TIAM1: variants seen among roughly 807,000 people sequenced by gnomAD.
TIAM1 encodes the protein rho guanine nucleotide exchange factor TIAM1.
A neutral mutation model predicts 163.5 loss-of-function variants in TIAM1; 65 were observed. The observed-to-expected ratio is 0.40, with a 90% CI of 0.33 to 0.49. The LOEUF (loss-of-function observed/expected upper bound fraction) is 0.49. Among genes scored for constraint, TIAM1 ranks in the 20% least tolerant of loss-of-function variants. The probability of loss-of-function intolerance (pLI) is 0.77; values close to 1 mark genes in which losing one functional copy is unlikely to be tolerated. For synonymous variants in TIAM1, 833 were observed against 810.1 expected (o/e 1.03, Z -0.48); for missense variants, 1,789 against 2,044.7 (o/e 0.87, Z 2.41).
intron 4 of TIAM1, among the ~76,000 whole-genome samples, chr21:31,264,581 C>A (rs1212781722): frequency 6.6e-6 from 1 of 152,172 alleles, no homozygotes; most frequent in Non-Finnish European, 1.5e-5. Flanking sequence ...AGACGTGGAG[C>A]CAAAATATCC....
chr21:31,346,551 G>A (rs544037391), upstream of TIAM1, among the ~76,000 whole-genome samples: 1 of 152,328 alleles, frequency 6.6e-6, no homozygotes, highest in Admixed American at 6.5e-5. Context: ...ACTGTCTTGA[G>A]AATCAGAGAT....
chr21:31,527,200 C>A (rs1374552304), intron 1 of TIAM1, among the ~76,000 whole-genome samples: 2 of 152,140 alleles, frequency 1.3e-5, no homozygotes, highest in Non-Finnish European at 2.9e-5. Context: ...ATGCCTCCTG[C>A]CTCTGTTAAC....
intron 2 of TIAM1, among the ~76,000 whole-genome samples, chr21:31,421,345 A>G (rs1172193006): frequency 6.6e-6 from 1 of 152,176 alleles, no homozygotes; most frequent in Non-Finnish European, 1.5e-5. Context: ...GAATTCCTCC[A>G]TAGAGCAGGG....
At chr21:31,488,600 G>A (rs187389792) in intron 1 of TIAM1, among the ~76,000 whole-genome samples, 13 of 152,180 alleles carry the variant, frequency 8.5e-5, no homozygotes, top group Non-Finnish European at 1.5e-4. Context: ...AGGTGAAGGA[G>A]GAGCAAACTC....
At chr21:31,385,513 G>A (rs923360389) in intron 2 of TIAM1, among the ~76,000 whole-genome samples, 13 of 151,934 alleles carry the variant, frequency 8.6e-5, no homozygotes, top group African/African-American at 2.9e-4. Context: ...CTGTAGGGAC[G>A]GTTGGGTCAA....
intron 2 of TIAM1, among the ~76,000 whole-genome samples, chr21:31,396,016 C>A (rs983819620): frequency 1.9e-4 from 29 of 152,306 alleles, no homozygotes; most frequent in Middle Eastern, 3.4e-3. Flanking sequence ...TATAGGCTAA[C>A]AGAGGTCCCC....
intron 2 of TIAM1, among the ~76,000 whole-genome samples, chr21:31,423,682 T>A (rs1440509729): frequency 2.9e-5 from 4 of 137,526 alleles, no homozygotes; most frequent in African/African-American, 1.1e-4. Context: ...TGAGATCATT[T>A]GGCATCCTAG....
chr21:31,376,612 T>G (rs1370372451), intron 2 of TIAM1, among the ~76,000 whole-genome samples: 2 of 152,118 alleles, frequency 1.3e-5, no homozygotes, highest in Non-Finnish European at 2.9e-5. Flanking sequence ...AGATGCCCAC[T>G]GAAAGGACTT....
chr21:31,529,658 C>T (rs1427010175), intron 1 of TIAM1, among the ~76,000 whole-genome samples: 13 of 152,218 alleles, frequency 8.5e-5, no homozygotes. Context: ...ACCCATCCAG[C>T]ATTGCTCCTT....
chr21:31,362,844 T>C (rs1220095211), intron 2 of TIAM1, among the ~76,000 whole-genome samples: 1 of 152,122 alleles, frequency 6.6e-6, no homozygotes, highest in Non-Finnish European at 1.5e-5. Flanking sequence ...ACTTACACTG[T>C]AAGGGGGTTT....
chr21:31,245,400 A>AG, intron 6 of TIAM1, 88 bp downstream of exon 6: 2 of 545,498 alleles, frequency 3.7e-6, no homozygotes, highest in Non-Finnish European at 5.6e-6. Context: ...AAAAAAAAGC[A>AG]GTGGAGGGAG....
chr21:31,392,713 A>C (rs34330761), intron 2 of TIAM1, among the ~76,000 whole-genome samples: 14,797 of 151,930 alleles, frequency 0.097, 769 homozygotes, highest in Middle Eastern at 0.14. Context: ...TGGTCAAGGC[A>C]AGGGCAGATC....
intron 1 of TIAM1, among the ~76,000 whole-genome samples, chr21:31,468,085 T>TA (rs11443773): frequency 0.23 from 31,554 of 139,548 alleles, 3,695 homozygotes; most frequent in African/African-American, 0.3. Flanking sequence ...GCGAAACTCT[T>TA]AAAAAAAAAA....
At chr21:31,379,460 T>G (rs964515586) in intron 2 of TIAM1, among the ~76,000 whole-genome samples, 2 of 151,832 alleles carry the variant, frequency 1.3e-5, no homozygotes, top group Non-Finnish European at 2.9e-5. Context: ...TCACCCAAGG[T>G]TGGACTCTAG....
intron 16 of TIAM1, among the ~76,000 whole-genome samples, chr21:31,162,223 T>C (rs958349504): frequency 1.6e-4 from 25 of 152,136 alleles, no homozygotes; most frequent in African/African-American, 5.8e-4. Flanking sequence ...ATCTATAAAA[T>C]AGGGCAGATA....
At chr21:31,133,757 A>T (rs2082507870) in intron 23 of TIAM1, among the ~76,000 whole-genome samples, 1 of 152,120 alleles carries the variant, frequency 6.6e-6, no homozygotes, top group Admixed American at 6.5e-5. Context: ...CAAAGCCTAA[A>T]ATGTACTATG....
At chr21:31,277,535 C>T (rs1452455243) in intron 2 of TIAM1, among the ~76,000 whole-genome samples, 2 of 152,174 alleles carry the variant, frequency 1.3e-5, no homozygotes, top group African/African-American at 4.8e-5. Context: ...ATCCCAGATA[C>T]TCAGGAGGCT....
intron 1 of TIAM1, among the ~76,000 whole-genome samples, chr21:31,489,173 C>T (rs1370566207): frequency 1.3e-5 from 2 of 150,990 alleles, no homozygotes; most frequent in Non-Finnish European, 2.9e-5. Context: ...AGTTTGAGAA[C>T]AGCCTGGGCA....
At chr21:31,302,708 C>T (rs957203297) in intron 2 of TIAM1, among the ~76,000 whole-genome samples, 2 of 152,220 alleles carry the variant, frequency 1.3e-5, no homozygotes, top group Non-Finnish European at 2.9e-5. Context: ...ACACTGCTTG[C>T]ACTGCTTTCT....
Sources: allele counts gnomAD v4.1 joint callset (sites outside exome capture counted in the v4.1 genomes callset), GRCh38; gene constraint gnomAD v4.1.1; transcripts MANE v1.5; gene names NCBI Gene and HGNC (gene_info 2026-07-23, HGNC 2026-07-21).